Variants in RPL11 observed in about 807,000 individuals in gnomAD.
RPL11 encodes ribosomal protein L11.
A neutral mutation model predicts 24.1 loss-of-function variants in RPL11; 3 were observed. The observed-to-expected ratio is 0.12, with a 90% CI of 0.06 to 0.32. The LOEUF (loss-of-function observed/expected upper bound fraction) is 0.32, where lower values mean the gene tolerates loss of function less well. Among genes scored for constraint, RPL11 ranks in the 10% least tolerant of loss-of-function variants. The probability of loss-of-function intolerance (pLI) is 1.00; values close to 1 mark genes in which losing one functional copy is unlikely to be tolerated. For synonymous variants in RPL11, 96 were observed against 75.7 expected (o/e 1.27, Z -1.39); for missense variants, 146 against 225.7 (o/e 0.65, Z 2.26).
At chr1:23,694,935 T>A in intron 4 of RPL11, 144 bp downstream of exon 4, 1 of 1,313,526 alleles carries the variant, frequency 7.6e-7, no homozygotes, top group Non-Finnish European at 1.1e-6. Context: ...TGGGGAAATG[T>A]GCCTCATTTG....
At chr1:23,696,043 CAG>C (rs1447418947) in intron 5 of RPL11, 135 bp downstream of exon 5, 3 of 879,560 alleles carry the variant, frequency 3.4e-6, no homozygotes, top group African/African-American at 3.3e-5. Context: ...CTTGACAAAT[CAG>C]GGGCTTCCAG....
At chr1:23,693,969 G>A in intron 3 of RPL11, 56 bp downstream of exon 3, 1 of 1,211,740 alleles carries the variant, frequency 8.3e-7, no homozygotes, top group Non-Finnish European at 1.2e-6. Flanking sequence ...AGTAACACAT[G>A]TAGATAAGTT....
chr1:23,695,380 A>G (rs1246450048), intron 4 of RPL11: 4 of 288,070 alleles, frequency 1.4e-5, no homozygotes, highest in Non-Finnish European at 2.7e-5. Context: ...TGTTGGAGGA[A>G]CAGCACACCT....
intron 4 of RPL11, 106 bp downstream of exon 4, chr1:23,694,897 T>C: frequency 1.3e-6 from 2 of 1,542,480 alleles, no homozygotes; most frequent in Non-Finnish European, 8.9e-7. Flanking sequence ...GCTTTGAATA[T>C]TGTCTGCCTT....
intron 3 of RPL11, among the ~76,000 whole-genome samples, chr1:23,694,204 C>T (rs1034169626): frequency 1.3e-5 from 2 of 151,924 alleles, no homozygotes; most frequent in African/African-American, 4.8e-5. Context: ...GGTGAAACAC[C>T]ATCTCTACTA....
Position 23,693,799 on chromosome 1 carries a change from T to C in RPL11, c.158-8T>C. 1.2e-6 allele frequency: 2 copies of C among 1,611,250 alleles called. No individual in the cohort carries two copies. The highest frequency in any genetic ancestry group is 1.7e-6 in the Non-Finnish European group (2 of 1,177,428). On this transcript the variant is annotated splice_region_variant and splice_polypyrimidine_tract_variant and intron_variant, in intron 2 of 5. Coordinates refer to ENST00000643754, the MANE Select transcript of RPL11 (RefSeq NM_000975.5). The stretch of plus-strand genomic sequence containing the variant: ...GGCATCTGACTCCTTGTTACCCACT[T>C]CCTGCAGCTAGATACACTGTCAGAT...
rs11809783 is a variant in RPL11 at position 23,691,879 on chromosome 1, G to A, written c.6+50G>A. The stretch of plus-strand genomic sequence containing the variant: ...CTTTCCTTTATCCGTCGCCATCCAT[G>A]GCAGGCCGAGCCTGCGGGGGCTACT... On this transcript the variant is annotated intron_variant, in intron 1 of 5. Coordinates refer to ENST00000643754, the MANE Select transcript of RPL11 (RefSeq NM_000975.5). 1.7e-5 allele frequency: 27 copies of A among 1,613,874 alleles called. 1 individual carries two copies. The South Asian group carries it at 2.6e-4, about 16-fold the overall frequency.
intron 2 of RPL11, 75 bp from the exon 3 acceptor site, chr1:23,693,732 G>A: frequency 1.0e-6 from 1 of 972,934 alleles, no homozygotes; most frequent in East Asian, 2.4e-5. Flanking sequence ...AAGTCATGGA[G>A]ATGGTGTTCT....
At position 23,696,715 on chromosome 1, in the gene RPL11, A is replaced by G; in HGVS notation, c.*342A>G. On this transcript the variant is annotated 3_prime_UTR_variant, in exon 6 of 6. Coordinates refer to ENST00000643754, the MANE Select transcript of RPL11 (RefSeq NM_000975.5). ...GCAGGGTGCAGTGCTCCTGTGTTCC[A>G]GGAGGCCCCCTGCTATTCAGTGATT... 1 of 412,670 alleles carries G rather than the reference A, an allele frequency of 2.4e-6. No homozygotes were observed. Among genetic ancestry groups the G allele is most frequent in the Non-Finnish European group, 4.5e-6 (1 of 221,682 alleles). The allele number at this position is 412,670 out of a possible 1,614,324, so 25.6% of individuals were successfully genotyped here.
chr1:23,693,576 T>C (rs1644515129), intron 2 of RPL11, among the ~76,000 whole-genome samples: 1 of 152,244 alleles, frequency 6.6e-6, no homozygotes, highest in East Asian at 1.9e-4. Flanking sequence ...TTCGGCGTTA[T>C]GACTGTTCTT....
intron 1 of RPL11, 171 bp downstream of exon 1, chr1:23,692,000 C>T (rs1244353097): frequency 2.3e-6 from 2 of 888,462 alleles, no homozygotes; most frequent in East Asian, 2.5e-5. Context: ...AATTCTGTCA[C>T]TTTCCCTGCC....
At chr1:23,692,472 CATT>C (rs1293480454) in intron 1 of RPL11, 134 bp from the exon 2 acceptor site, 1 of 1,128,404 alleles carries the variant, frequency 8.9e-7, no homozygotes, top group Non-Finnish European at 1.3e-6. Context: ...GTCCCCTAAA[CATT>C]ATACCTTTTA....
At position 23,696,478 on chromosome 1, in the gene RPL11, TC is replaced by T; in HGVS notation, c.*106del. ...CTGGCCATATTCAAGTCCTTGGACC[TC>T]AAGCCACTTAAAGCTTCGATGGGAG... On this transcript the variant is annotated 3_prime_UTR_variant, in exon 6 of 6. Transcript: ENST00000643754. 1 of 1,160,168 alleles carries T rather than the reference TC, an allele frequency of 8.6e-7. No homozygotes were observed. The highest frequency in any genetic ancestry group is 1.3e-6 in the Non-Finnish European group (1 of 777,524). 71.9% of individuals were successfully genotyped at this position (1,160,168 alleles called of 1,614,324 possible). A position where few individuals can be genotyped will look rare whatever the true frequency, so the allele number is the denominator to read the frequency against.
intron 5 of RPL11, 68 bp downstream of exon 5, chr1:23,695,976 A>G (rs1298980717): frequency 7.0e-7 from 1 of 1,425,504 alleles, no homozygotes; most frequent in South Asian, 1.2e-5. Flanking sequence ...GGATTTGGGG[A>G]TGCAAAATAT....
At chr1:23,693,040 C>G (rs182923892) in intron 2 of RPL11, among the ~76,000 whole-genome samples, 2 of 151,986 alleles carry the variant, frequency 1.3e-5, no homozygotes, top group African/African-American at 4.8e-5. Flanking sequence ...ATGTCAGGAA[C>G]GAAGTAAAGA....
chr1:23,695,263 CAAT>C (rs972430440), intron 4 of RPL11: 6 of 287,894 alleles, frequency 2.1e-5, no homozygotes, highest in African/African-American at 1.3e-4. Context: ...TTTGGTCCAA[CAAT>C]AAAACTGAAT....
chr1:23,696,295 C>A, intron 5 of RPL11, 49 bp from the exon 6 acceptor site: 2 of 1,578,064 alleles, frequency 1.3e-6, no homozygotes, highest in African/African-American at 1.3e-5. Context: ...TTGCTGCAAT[C>A]TCTGCTGTTG....
intron 3 of RPL11, 95 bp downstream of exon 3, chr1:23,694,008 T>A: frequency 1.1e-6 from 1 of 934,476 alleles, no homozygotes; most frequent in East Asian, 2.6e-5. Context: ...TTTGGTGTCT[T>A]GATATTTATT....
chr1:23,692,456 C>T, intron 1 of RPL11, 153 bp from the exon 2 acceptor site: 3 of 932,112 alleles, frequency 3.2e-6, no homozygotes, highest in Admixed American at 4.2e-5. Context: ...GTCTTCTTCC[C>T]TTGATGTCCC....
Sources: allele counts gnomAD v4.1 joint callset (sites outside exome capture counted in the v4.1 genomes callset), GRCh38; gene constraint gnomAD v4.1.1; transcripts MANE v1.5; gene names NCBI Gene and HGNC (gene_info 2026-07-23, HGNC 2026-07-21).